OPCML: variants seen among roughly 807,000 people sequenced by gnomAD.
OPCML encodes opioid-binding protein/cell adhesion molecule.
Under a neutral mutation model 37.8 loss-of-function variants are expected in OPCML, and 13 were observed. The observed-to-expected ratio is 0.34, with a 90% CI of 0.22 to 0.55. The LOEUF is 0.55. Ranked by LOEUF, OPCML falls within the 20% of genes least tolerant of loss-of-function variation. The probability of loss-of-function intolerance (pLI) is 0.91; values close to 1 mark genes in which losing one functional copy is unlikely to be tolerated. For missense variants in OPCML, 341 were observed against 435.6 expected (o/e 0.78, Z 1.93); for synonymous variants, 176 against 168.8 (o/e 1.04, Z -0.33).
At chr11:132,949,008 G>A (rs1945804115) in intron 1 of OPCML, among the ~76,000 whole-genome samples, 1 of 152,216 alleles carries the variant, frequency 6.6e-6, no homozygotes, top group Admixed American at 6.5e-5. Context: ...GAACAAGCTT[G>A]AGAATAGGAA....
At chr11:132,886,685 G>A (rs1191478086) in intron 2 of OPCML, among the ~76,000 whole-genome samples, 1 of 152,186 alleles carries the variant, frequency 6.6e-6, no homozygotes, top group African/African-American at 2.4e-5. Context: ...CCGGGTTCAG[G>A]AAAAGGGGGC....
At chr11:132,900,559 C>G (rs1048184971) in intron 2 of OPCML, among the ~76,000 whole-genome samples, 2 of 152,174 alleles carry the variant, frequency 1.3e-5, no homozygotes, top group Admixed American at 1.3e-4. Flanking sequence ...TCCCCTCAGC[C>G]CAGCCTCACT....
intron 1 of OPCML, among the ~76,000 whole-genome samples, chr11:133,041,310 T>C (rs78016598): frequency 0.05 from 7,560 of 152,280 alleles, 620 homozygotes; most frequent in African/African-American, 0.17. Flanking sequence ...AATGTATCAG[T>C]AAATCTTCGG....
At chr11:132,978,766 C>T (rs1460965712) in intron 1 of OPCML, among the ~76,000 whole-genome samples, 2 of 152,102 alleles carry the variant, frequency 1.3e-5, no homozygotes, top group African/African-American at 4.8e-5. Flanking sequence ...GACTCAAATA[C>T]ATTTGCATAT....
chr11:132,943,213 C>A lies in OPCML; in HGVS notation c.62-203G>T, dbSNP rs1270051270. On this transcript the variant is annotated intron_variant, in intron 1 of 7. Coordinates refer to ENST00000524381, the MANE Select transcript of OPCML (RefSeq NM_001012393.5). This position sits in a 1 kb window ranked among gnomAD's most constrained non-coding sequence, Gnocchi z 4.3. ...GGGAAGGGGCAGAGTTCGCCAGGAG[C>A]AGGGGGAAGGAGAAGAGAGGAGTCC... 6.8e-7 allele frequency: 1 copy of A among 1,471,300 alleles called. No individual in the cohort carries two copies. Among genetic ancestry groups the A allele is most frequent in the Non-Finnish European group, 9.3e-7 (1 of 1,080,452 alleles). The allele number at this position is 1,471,300 out of a possible 1,614,324, so 91.1% of individuals were successfully genotyped here. A position where few individuals can be genotyped will look rare whatever the true frequency, so the allele number is the denominator to read the frequency against.
intron 1 of OPCML, among the ~76,000 whole-genome samples, chr11:133,379,559 G>A (rs143524653): frequency 1.4e-3 from 218 of 152,256 alleles, no homozygotes; most frequent in African/African-American, 5.0e-3. Context: ...TTAGTATGTG[G>A]TACCTCCTTC....
At chr11:132,673,659 G>T (rs758934273) in intron 2 of OPCML, among the ~76,000 whole-genome samples, 2 of 152,000 alleles carry the variant, frequency 1.3e-5, no homozygotes, top group Non-Finnish European at 2.9e-5. Context: ...TTTCTGTTTT[G>T]GTCATTGAGT....
intron 1 of OPCML, chr11:133,301,929 C>T (rs1160842731): frequency 6.6e-6 from 1 of 152,110 alleles, no homozygotes; most frequent in Non-Finnish European, 1.5e-5. Flanking sequence ...TTACTATATA[C>T]TAGGCACTGG....
At chr11:133,372,844 G>C (rs1259983458) in intron 1 of OPCML, among the ~76,000 whole-genome samples, 1 of 152,058 alleles carries the variant, frequency 6.6e-6, no homozygotes, top group Non-Finnish European at 1.5e-5. Context: ...GGTATCTCTT[G>C]CTTCCTCTTC....
At chr11:133,526,925 C>T (rs1643593143) in intron 1 of OPCML, among the ~76,000 whole-genome samples, 1 of 152,248 alleles carries the variant, frequency 6.6e-6, no homozygotes, top group Admixed American at 6.5e-5. Flanking sequence ...CAGTCGGTAT[C>T]AGAGGTGCTA....
chr11:132,806,390 T>A (rs1939009327), intron 2 of OPCML, among the ~76,000 whole-genome samples: 1 of 152,110 alleles, frequency 6.6e-6, no homozygotes, highest in East Asian at 1.9e-4. Flanking sequence ...TATAAAGAAA[T>A]AGACAAGTTT....
chr11:133,171,472 C>T (rs1405930735), intron 1 of OPCML, among the ~76,000 whole-genome samples: 4 of 152,226 alleles, frequency 2.6e-5, no homozygotes, highest in Non-Finnish European at 5.9e-5. Context: ...TTAGAACAGT[C>T]TGTCACTCAG....
chr11:133,362,683 C>T (rs764899854), intron 1 of OPCML, among the ~76,000 whole-genome samples: 2 of 152,080 alleles, frequency 1.3e-5, no homozygotes, highest in African/African-American at 4.8e-5. Context: ...ATATTAGTCA[C>T]ACATGTTAAC....
chr11:132,752,556 G>A (rs1945871387), intron 2 of OPCML, among the ~76,000 whole-genome samples: 1 of 151,746 alleles, frequency 6.6e-6, no homozygotes, highest in African/African-American at 2.4e-5. Flanking sequence ...AAAATCCAGA[G>A]AAAATAAAGA....
chr11:132,560,969 C>A (rs1400830680), intron 3 of OPCML, among the ~76,000 whole-genome samples: 5 of 152,074 alleles, frequency 3.3e-5, no homozygotes, highest in Non-Finnish European at 2.9e-5. Flanking sequence ...CCTTTGGGTT[C>A]TTGGTCATGA....
chr11:132,689,424 T>C (rs1000050853), intron 2 of OPCML, among the ~76,000 whole-genome samples: 41 of 152,214 alleles, frequency 2.7e-4, no homozygotes, highest in African/African-American at 9.4e-4. Flanking sequence ...CTCCGTGTAT[T>C]GACAAAATTG....
chr11:133,332,220 G>A (rs759363967), intron 1 of OPCML, among the ~76,000 whole-genome samples: 3 of 152,084 alleles, frequency 2.0e-5, no homozygotes, highest in Non-Finnish European at 4.4e-5. Flanking sequence ...TTTCTGATTT[G>A]GCTCTCAGTT....
Position 133,206,525 on chromosome 11 carries a change from A to T in OPCML, c.62-263515T>A, listed in dbSNP as rs75428189. ...AGCGTGTTAAGAGAGGAAGAGAAAC[A>T]CCCTGTACTCTCAGAAACATTTGCA... On this transcript the variant is annotated intron_variant, in intron 1 of 7. Coordinates refer to ENST00000524381, the MANE Select transcript of OPCML (RefSeq NM_001012393.5). The surrounding 1 kb of genome is among the most constrained non-coding windows in gnomAD (Gnocchi z 4.7). 0.015 allele frequency among the ~76,000 whole-genome samples: 2,236 copies of T among 152,296 alleles called. 46 individuals are homozygous for T. Among genetic ancestry groups the T allele is most frequent in the African/African-American group, 0.051 (2,119 of 41,562 alleles).
At chr11:132,959,124 G>T (rs556274178) in intron 1 of OPCML, among the ~76,000 whole-genome samples, 1 of 152,210 alleles carries the variant, frequency 6.6e-6, no homozygotes, top group Non-Finnish European at 1.5e-5. Flanking sequence ...CATGGAAGGA[G>T]GTCAAAGTAT....
Sources: gnomAD v4.1 joint callset for allele counts (sites outside exome capture counted in the v4.1 genomes callset) on GRCh38, gnomAD v4.1.1 for gene constraint, Gnocchi (gnomAD v3.1) non-coding constraint, MANE v1.5 for transcripts, NCBI Gene and HGNC (gene_info 2026-07-23, HGNC 2026-07-21) for gene names.